Variants in SP140 observed in about 807,000 individuals in gnomAD.
SP140 encodes SP140 nuclear body protein, also known as nuclear body protein SP140.
A neutral mutation model predicts 125.0 loss-of-function variants in SP140; 81 were observed. The observed-to-expected ratio is 0.65, with a 90% CI of 0.54 to 0.78. The LOEUF is 0.78. Among genes scored for constraint, SP140 ranks in the 30% least tolerant of loss-of-function variants. The pLI, the probability that SP140 is intolerant of heterozygous loss-of-function variation, is 0.00. For missense variants in SP140, 858 were observed against 1,037.0 expected, an observed-to-expected ratio of 0.83 and a Z score of 2.37; for synonymous variants, 312 against 354.0, an observed-to-expected ratio of 0.88 and a Z score of 1.33.
At chr2:230,294,354 C>T (rs762052830) in intron 21 of SP140, 36 bp downstream of exon 21, 74 of 1,510,038 alleles carry the variant, frequency 4.9e-5, no homozygotes, top group Non-Finnish European at 6.2e-5. Context: ...CTTCTTGTCA[C>T]ATAACTGATT....
chr2:230,297,495 A>T (rs2057853140), intron 22 of SP140, 33 bp downstream of exon 22: 2 of 1,609,330 alleles, frequency 1.2e-6, no homozygotes, highest in East Asian at 2.2e-5. Flanking sequence ...GACCCCCAGA[A>T]TATTCCACTC....
chr2:230,217,047 A>C (rs1035591956), intron 3 of SP140: 1 of 749,442 alleles, frequency 1.3e-6, no homozygotes, highest in Non-Finnish European at 2.2e-6. Flanking sequence ...AGAGATTGAG[A>C]CCATCCTGGC....
At chr2:230,262,904 A>G (rs1357735869) in intron 12 of SP140, among the ~76,000 whole-genome samples, 1 of 152,188 alleles carries the variant, frequency 6.6e-6, no homozygotes, top group East Asian at 1.9e-4. Flanking sequence ...AGAAAGTTCC[A>G]TGCACTGTTA....
chr2:230,239,110 G>A lies in SP140; in HGVS notation c.406+729G>A, dbSNP rs1001844427. The A allele has an allele frequency of 1.2e-5, 14 of 1,210,118 alleles. No individual in the cohort carries two copies. In the African/African-American group the frequency reaches 2.1e-4, roughly 19 times the overall value. 75.0% of individuals were successfully genotyped at this position (1,210,118 alleles called of 1,614,324 possible). The stretch of plus-strand genomic sequence containing the variant: ...GAAGTCAGTATGAAGAATGGGATGT[G>A]TTGATTTGTGAATACTATACCTTGA... On this transcript the variant is annotated intron_variant, in intron 3 of 26. Coordinates refer to ENST00000392045, the MANE Select transcript of SP140 (RefSeq NM_007237.5).
chr2:230,286,064 C>G (rs1247529834), intron 17 of SP140, among the ~76,000 whole-genome samples: 1 of 152,166 alleles, frequency 6.6e-6, no homozygotes, highest in African/African-American at 2.4e-5. Context: ...TGTGTTTTAT[C>G]TCATTTTCCT....
chr2:230,290,128 A>G (rs1444120663), intron 18 of SP140, among the ~76,000 whole-genome samples: 1 of 152,216 alleles, frequency 6.6e-6, no homozygotes, highest in Non-Finnish European at 1.5e-5. Context: ...GCATAGCTGG[A>G]GAGCTTCTGT....
intron 22 of SP140, among the ~76,000 whole-genome samples, chr2:230,304,312 A>G (rs1346724619): frequency 6.6e-6 from 1 of 152,238 alleles, no homozygotes; most frequent in Non-Finnish European, 1.5e-5. Context: ...CAATATTGTG[A>G]AAATGATCAT....
At chr2:230,251,875 G>A (rs935619680) in intron 10 of SP140, among the ~76,000 whole-genome samples, 2 of 152,098 alleles carry the variant, frequency 1.3e-5, no homozygotes, top group African/African-American at 4.8e-5. Flanking sequence ...AAACACAGAC[G>A]TACATGTGAC....
chr2:230,292,623 A>T (rs2057260466), intron 19 of SP140, 23 bp from the exon 20 acceptor site: 1 of 1,613,964 alleles, frequency 6.2e-7, no homozygotes, highest in East Asian at 2.2e-5. Flanking sequence ...AGGGCTCAGG[A>T]TCAAGTTACC....
rs28930679 is a variant in SP140, at chr2:230,212,397, G to T, written c.-322-1257G>T. The T allele has an allele frequency of 1.2e-6, 2 of 1,611,846 alleles. No homozygotes were observed. The highest frequency in any genetic ancestry group is 1.1e-5 in the South Asian group (1 of 91,026). ...GGGCATCTCTTCTGAGTCTTCTTCC[G>T]CATTCATTTTGGATGTTAACTTGTC... On this transcript the variant is annotated intron_variant, in intron 1 of 4. Transcript: ENST00000456542.
chr2:230,217,642 A>C (rs969826857), intron 3 of SP140, among the ~76,000 whole-genome samples: 2 of 152,222 alleles, frequency 1.3e-5, no homozygotes, highest in African/African-American at 2.4e-5. Flanking sequence ...TGAGGAACTG[A>C]GACACAGAAA....
chr2:230,303,102 G>C (rs988733445), intron 22 of SP140, among the ~76,000 whole-genome samples: 1 of 151,912 alleles, frequency 6.6e-6, no homozygotes, highest in African/African-American at 2.4e-5. Context: ...AAATACAAAA[G>C]ATATATGAAA....
At chr2:230,222,442 TG>T (rs1447587055), upstream of SP140, among the ~76,000 whole-genome samples, 1 of 152,178 alleles carries the variant, frequency 6.6e-6, no homozygotes, top group Non-Finnish European at 1.5e-5. Context: ...TTTCTAGGCC[TG>T]GAGAGTCGCT....
At chr2:230,307,980 TATATATATATACACACAC>T (rs1387519143) in intron 22 of SP140, among the ~76,000 whole-genome samples, 1 of 96,086 alleles carries the variant, frequency 1.0e-5, no homozygotes, top group African/African-American at 3.9e-5. Flanking sequence ...TATATATATA[TATATATATATACACACAC>T]ACACACACAC....
At chr2:230,246,719 A>G (rs915604133) in intron 7 of SP140, among the ~76,000 whole-genome samples, 3 of 152,220 alleles carry the variant, frequency 2.0e-5, no homozygotes, top group Non-Finnish European at 2.9e-5. Flanking sequence ...TAGAGAGAAC[A>G]GATAGAGGCA....
Position 230,245,071 on chromosome 2 carries a change from G to C in SP140, c.655G>C (p.Gly219Arg), listed in dbSNP as rs372668291. The change falls in exon 6 of 27, where the codon GGT becomes CGT. Residue 219 changes from glycine (G) to arginine (R), a missense_variant. Gly to Arg is a moderately radical substitution (Grantham distance 125). Transcript: ENST00000392045. ...DAEDAPSLLP[G>R]GGVSCKLAIQ... ...TGAAGATGCACCCAGCCTACTACCAGGTGGGGGAGGTAATTATGATTTAAA... is the reference window on the plus strand; with the variant it reads ...TGAAGATGCACCCAGCCTACTACCACGTGGGGGAGGTAATTATGATTTAAA... The C allele has an allele frequency of 1.2e-6, 2 of 1,609,320 alleles. No homozygotes were observed. Among genetic ancestry groups the C allele is most frequent in the Non-Finnish European group, 1.7e-6 (2 of 1,175,994 alleles).
rs2044285386 is a variant in SP140 at position 230,209,934 on chromosome 2, T to C, written c.-322-3720T>C. The C allele has an allele frequency of 1.9e-6, 3 of 1,592,934 alleles. No individual in the cohort carries two copies. Among genetic ancestry groups the C allele is most frequent in the Non-Finnish European group, 1.7e-6 (2 of 1,160,758 alleles). On this transcript the variant is annotated intron_variant, in intron 1 of 4. Transcript: ENST00000456542. ...ACAGAAGAAAGGCTTTTCTTACCTT[T>C]CTTGTCTGAAGGTGTGCTGGACACC...
intron 12 of SP140, among the ~76,000 whole-genome samples, chr2:230,267,670 G>A (rs559357805): frequency 2.0e-5 from 3 of 152,076 alleles, no homozygotes; most frequent in Admixed American, 6.6e-5. Flanking sequence ...ACATTTTGTC[G>A]GGGAGATTAT....
intron 1 of SP140, chr2:230,212,443 A>C: frequency 6.3e-7 from 1 of 1,580,872 alleles, no homozygotes; most frequent in Non-Finnish European, 8.7e-7. Flanking sequence ...GAAGGAGGAA[A>C]GGAAATTATT....
Sources: gnomAD v4.1 joint callset for allele counts (sites outside exome capture counted in the v4.1 genomes callset) on GRCh38, gnomAD v4.1.1 for gene constraint, MANE v1.5 for transcripts, NCBI Gene and HGNC (gene_info 2026-07-23, HGNC 2026-07-21) for gene names.